BMP6: variants seen among roughly 807,000 people sequenced by gnomAD.
BMP6 encodes the protein VG-1-R.
A neutral mutation model predicts 54.1 loss-of-function variants in BMP6; 17 were observed. That is an observed-to-expected ratio of 0.31 (90% confidence interval 0.22 to 0.47). The LOEUF (loss-of-function observed/expected upper bound fraction) is 0.47. BMP6 is among the 20% of genes least tolerant of loss of function. The pLI is 1.00. For missense variants in BMP6, 720 were observed against 690.4 expected (o/e 1.04, Z -0.48); for synonymous variants, 328 against 291.2 (o/e 1.13, Z -1.28).
intron 1 of BMP6, among the ~76,000 whole-genome samples, chr6:7,760,735 G>A (rs145327059): frequency 0.018 from 2,757 of 152,182 alleles, 48 homozygotes; most frequent in Non-Finnish European, 0.028. Flanking sequence ...CCCAAAGTGC[G>A]GGGATTACAG....
chr6:7,821,679 C>A (rs1257506160), intron 1 of BMP6, among the ~76,000 whole-genome samples: 2 of 152,250 alleles, frequency 1.3e-5, no homozygotes, highest in East Asian at 3.9e-4. Context: ...AGTTTTCTCC[C>A]AAACTGCAGT....
rs972856157 is a variant in BMP6 at position 7,745,352 on chromosome 6, C to T, written c.664+17733C>T. ...GCAGTGGTGCAATCATGGCTCAAGG[C>T]GGCCTCAAACTCCTGGGCTCAAGCG... On this transcript the variant is annotated intron_variant, in intron 1 of 6. Coordinates refer to ENST00000283147, the MANE Select transcript of BMP6 (RefSeq NM_001718.6). 1.1e-4 allele frequency among the ~76,000 whole-genome samples: 16 copies of T among 152,296 alleles called. 1 individual carries two copies. Among genetic ancestry groups the T allele is most frequent in the Admixed American group, 4.6e-4 (7 of 15,302 alleles).
At chr6:7,822,300 G>A (rs1304379218) in intron 1 of BMP6, among the ~76,000 whole-genome samples, 4 of 152,196 alleles carry the variant, frequency 2.6e-5, no homozygotes, top group Non-Finnish European at 4.4e-5. Flanking sequence ...GATTACAGGC[G>A]TGAGCCACCG....
At chr6:7,839,925 G>A (rs1758940084) in intron 1 of BMP6, among the ~76,000 whole-genome samples, 1 of 152,230 alleles carries the variant, frequency 6.6e-6, no homozygotes, top group South Asian at 2.1e-4. Flanking sequence ...CATCAGCAAA[G>A]CACAAGGGTT....
At chr6:7,878,712 G>T (rs1274962380) in intron 4 of BMP6, among the ~76,000 whole-genome samples, 1 of 152,222 alleles carries the variant, frequency 6.6e-6, no homozygotes, top group Non-Finnish European at 1.5e-5. Flanking sequence ...TAGTAGCGTT[G>T]TCTGATCATG....
chr6:7,762,109 A>G (rs547917951), intron 1 of BMP6, among the ~76,000 whole-genome samples: 1 of 152,218 alleles, frequency 6.6e-6, no homozygotes, highest in African/African-American at 2.4e-5. Flanking sequence ...TTTAGTAGAA[A>G]TGGGGTTTCA....
intron 1 of BMP6, among the ~76,000 whole-genome samples, chr6:7,773,842 G>A (rs1435493619): frequency 6.6e-6 from 1 of 152,164 alleles, no homozygotes; most frequent in Non-Finnish European, 1.5e-5. Context: ...TAATGGGACA[G>A]GTTCTCTTCC....
chr6:7,753,732 A>G (rs1561760287), intron 1 of BMP6, among the ~76,000 whole-genome samples: 1 of 152,252 alleles, frequency 6.6e-6, no homozygotes, highest in African/African-American at 2.4e-5. Context: ...AGCCTTTTCT[A>G]AATAAGCATT....
At chr6:7,750,211 C>T (rs550564133) in intron 1 of BMP6, among the ~76,000 whole-genome samples, 7 of 152,296 alleles carry the variant, frequency 4.6e-5, no homozygotes, top group African/African-American at 1.4e-4. Context: ...TGAACATCTG[C>T]GTGCCTACTG....
chr6:7,815,555 C>T (rs894051141), intron 1 of BMP6, among the ~76,000 whole-genome samples: 6 of 152,150 alleles, frequency 3.9e-5, no homozygotes, highest in African/African-American at 1.4e-4. Context: ...TAAGAATTAA[C>T]ATGGCAGTGG....
chr6:7,814,784 C>A (rs931702999), intron 1 of BMP6, among the ~76,000 whole-genome samples: 1 of 152,128 alleles, frequency 6.6e-6, no homozygotes, highest in South Asian at 2.1e-4. Flanking sequence ...AACACATGGA[C>A]ACAAGGAGGG....
At chr6:7,748,669 A>T (rs956761567) in intron 1 of BMP6, among the ~76,000 whole-genome samples, 1 of 152,202 alleles carries the variant, frequency 6.6e-6, no homozygotes, top group South Asian at 2.1e-4. Flanking sequence ...TCAGCTTCTG[A>T]CTGGGGCGGA....
intron 1 of BMP6, among the ~76,000 whole-genome samples, chr6:7,811,534 G>A (rs1238523325): frequency 2.0e-5 from 3 of 152,140 alleles, no homozygotes; most frequent in African/African-American, 7.2e-5. Context: ...ATTTTCAGTC[G>A]GCAATTCCTG....
chr6:7,790,375 A>C (rs1327616503), intron 1 of BMP6, among the ~76,000 whole-genome samples: 3 of 151,712 alleles, frequency 2.0e-5, no homozygotes, highest in Admixed American at 2.0e-4. Context: ...GAAATTACCC[A>C]GGCATAGTGG....
intron 1 of BMP6, among the ~76,000 whole-genome samples, chr6:7,760,156 G>C (rs961276811): frequency 6.8e-6 from 1 of 147,054 alleles, no homozygotes; most frequent in Non-Finnish European, 1.5e-5. Flanking sequence ...CGAACTCCTG[G>C]CTTCAAGTAA....
intron 1 of BMP6, among the ~76,000 whole-genome samples, chr6:7,836,580 G>A (rs1206120115): frequency 1.3e-5 from 2 of 152,164 alleles, no homozygotes; most frequent in African/African-American, 2.4e-5. Flanking sequence ...GGTGAAGGGT[G>A]CATGGGGCTT....
chr6:7,850,376 T>A (rs1175310845), intron 2 of BMP6, among the ~76,000 whole-genome samples: 1 of 152,174 alleles, frequency 6.6e-6, no homozygotes, highest in African/African-American at 2.4e-5. Context: ...TTACCATCTT[T>A]ACTATTTTTA....
intron 2 of BMP6, among the ~76,000 whole-genome samples, chr6:7,856,471 T>C (rs956049507): frequency 2.0e-5 from 3 of 151,964 alleles, no homozygotes; most frequent in Non-Finnish European, 4.4e-5. Context: ...TAACATCAAG[T>C]CCAGACGTAC....
At chr6:7,827,496 C>G (rs1758718180) in intron 1 of BMP6, among the ~76,000 whole-genome samples, 1 of 152,152 alleles carries the variant, frequency 6.6e-6, no homozygotes, top group Non-Finnish European at 1.5e-5. Context: ...TGTGGCTCCC[C>G]CTTCCCTTCC....
Sources: allele counts gnomAD v4.1 joint callset (sites outside exome capture counted in the v4.1 genomes callset), GRCh38; gene constraint gnomAD v4.1.1; transcripts MANE v1.5; gene names NCBI Gene and HGNC (gene_info 2026-07-23, HGNC 2026-07-21).